The following MYH6 variants were observed in gnomAD, a reference collection of about 807,000 sequenced individuals.
MYH6 encodes myosin-6.
MYH6 carries 126 observed loss-of-function variants against 223.2 expected under a neutral mutation model. The observed-to-expected ratio is 0.56, with a 90% CI of 0.49 to 0.65. The LOEUF (loss-of-function observed/expected upper bound fraction) is 0.65, where lower values mean the gene tolerates loss of function less well. Among genes scored for constraint, MYH6 ranks in the 30% least tolerant of loss-of-function variants. The pLI is 0.00. For synonymous variants in MYH6, 978 were observed against 1,010.2 expected, an observed-to-expected ratio of 0.97 and a Z score of 0.61; for missense variants, 2,040 against 2,536.4, an observed-to-expected ratio of 0.80 and a Z score of 4.20.
chr14:23,402,647 C>T, intron 11 of MYH6, 45 bp from the exon 12 acceptor site: 1 of 1,613,576 alleles, frequency 6.2e-7, no homozygotes, highest in Non-Finnish European at 8.5e-7. Context: ...AGCGGTGGCC[C>T]CAGGAGCTCC....
rs542115885 is a variant in MYH6 at position 23,401,482 on chromosome 14, C to G, written c.1142-505G>C. On this transcript the variant is annotated intron_variant, in intron 12 of 38. Transcript: ENST00000405093. ...CTGAGTCAGGCTGGAGCACAGCCCC[C>G]TTATCCGGCCCATGGCCTCTTGCCA... Among the ~76,000 whole-genome samples the G allele has an allele frequency of 3.3e-5, 5 of 152,396 alleles. No homozygotes were observed. The South Asian group carries it at 6.2e-4, about 19-fold the overall frequency.
In MYH6 at chr14:23,386,476, G is replaced by A. The variant is rs770068575; in HGVS notation, c.4798C>T (p.Gln1600Ter). The A allele has an allele frequency of 3.7e-6, 6 of 1,614,166 alleles. No individual in the cohort carries two copies. The highest frequency in any genetic ancestry group is 5.1e-6 in the Non-Finnish European group (6 of 1,180,036). Residue 1600 changes from glutamine (Q) to a stop codon, truncating the protein, a stop_gained, in exon 33 of 39, where the codon CAG becomes TAG. Coordinates refer to ENST00000405093, the MANE Select transcript of MYH6 (RefSeq NM_002471.4). LOFTEE classifies it high-confidence loss of function. ...CGTGTCTCTGCATCCAGGGAGGTCT[G>A]CAGCGAGTCCACCACCCGCTGGTGG... ...RNHQRVVDSL[Q>*]TSLDAETRSR...
chr14:23,396,733 C>G lies in MYH6; in HGVS notation c.2253G>C (p.Leu751=). 2 of 1,614,014 alleles carry G rather than the reference C, an allele frequency of 1.2e-6. No homozygotes were observed. The highest frequency in any genetic ancestry group is 3.3e-5 in the Admixed American group (2 of 60,018). Residue 751 remains leucine (L), a synonymous_variant, in exon 19 of 39, where the codon CTG becomes CTC. Coordinates refer to ENST00000405093, the MANE Select transcript of MYH6 (RefSeq NM_002471.4). ...ACTTGTACTGGTTGTGATCAATGTCCAGAGAGCTGAGCAGCTTCTCTGTCC... is the reference window on the plus strand; with the variant it reads ...ACTTGTACTGGTTGTGATCAATGTCGAGAGAGCTGAGCAGCTTCTCTGTCC... ...RKGTEKLLSS[L]DIDHNQYKFG...
At chr14:23,404,584 C>A (rs1441213398) in intron 7 of MYH6, 127 bp downstream of exon 7, 14 of 1,115,904 alleles carry the variant, frequency 1.3e-5, no homozygotes, top group Middle Eastern at 4.6e-4. Flanking sequence ...CCATACTGGG[C>A]TGACCATCGG....
chr14:23,393,399 T>C lies in MYH6; in HGVS notation c.3048A>G (p.Glu1016=). Residue 1016 remains glutamate, a synonymous_variant, in exon 23 of 39, where the codon GAA becomes GAG. Coordinates refer to ENST00000405093, the MANE Select transcript of MYH6 (RefSeq NM_002471.4). ...QQALDDLQVE[E]DKVNSLSKSK... Reference sequence around the variant, plus strand: ...ACTTGGACAGGCTGTTGACCTTGTCTTCCTCAACCTGAAGGTCATCCAGGG... The same window carrying C: ...ACTTGGACAGGCTGTTGACCTTGTCCTCCTCAACCTGAAGGTCATCCAGGG... 6.2e-7 allele frequency: 1 copy of C among 1,614,192 alleles called. No individual in the cohort carries two copies.
intron 35 of MYH6, 25 bp downstream of exon 35, chr14:23,384,891 A>G: frequency 6.2e-7 from 1 of 1,613,526 alleles, no homozygotes. Context: ...TCTTTAGGGG[A>G]GGCGGAAGGT....
chr14:23,389,453 C>A lies in MYH6; in HGVS notation c.3918G>T (p.Gly1306=), dbSNP rs769425360. The A allele has an allele frequency of 1.2e-6, 2 of 1,614,176 alleles. No individual in the cohort carries two copies. Among genetic ancestry groups the A allele is most frequent in the South Asian group, 2.2e-5 (2 of 91,080 alleles). ...CCATTTGCTGGGTATAAGAGAGCTT[C>A]CCCCGGGTCAGCTGCGAGATTAGCG... The part of the protein sequence containing the change: ...KEALISQLTR[G]KLSYTQQMED... Residue 1306 remains glycine, a synonymous_variant, in exon 28 of 39, where the codon GGG becomes GGT. Transcript: ENST00000405093.
chr14:23,398,422 A>G (rs1180272319), intron 15 of MYH6, among the ~76,000 whole-genome samples: 1 of 152,326 alleles, frequency 6.6e-6, no homozygotes, highest in African/African-American at 2.4e-5. Context: ...ACATTTGTTG[A>G]GAACTCCCAC....
chr14:23,392,960 A>G lies in MYH6; in HGVS notation c.3203T>C (p.Ile1068Thr), dbSNP rs777320756. The change falls in exon 24 of 39, where the codon ATC (isoleucine) becomes ACC (threonine). Residue 1068 changes from isoleucine (I) to threonine (T), a missense_variant. Coordinates refer to ENST00000405093, the MANE Select transcript of MYH6 (RefSeq NM_002471.4). ...CAGTTTATCATTTTCCAGGTCCATGATGCTCTCCTGGGTCAGCTTCAGGTC... is the reference window on the plus strand; with the variant it reads ...CAGTTTATCATTTTCCAGGTCCATGGTGCTCTCCTGGGTCAGCTTCAGGTC... ...EGDLKLTQES[I>T]MDLENDKLQL... 5.0e-6 allele frequency: 8 copies of G among 1,614,052 alleles called. No homozygotes were observed. The highest frequency in any genetic ancestry group is 6.8e-6 in the Non-Finnish European group (8 of 1,180,010).
chr14:23,390,562 G>A, intron 25 of MYH6, 116 bp from the exon 26 acceptor site: 13 of 1,530,596 alleles, frequency 8.5e-6, no homozygotes, highest in Non-Finnish European at 1.1e-5. Flanking sequence ...TCTCAACTAG[G>A]GGCAATTTTG....
chr14:23,396,403 C>T lies in MYH6; in HGVS notation c.2310G>A (p.Gly770=), dbSNP rs778231083. ...GCATCTCCTCCAGCAGCCCAAGCAG[C>T]CCTGCCTTGAAGAACACCTGCAGGC... The part of the protein sequence containing the change: ...FGHTKVFFKA[G]LLGLLEEMRD... Residue 770 remains glycine, a synonymous_variant, in exon 20 of 39, where the codon GGG becomes GGA. Transcript: ENST00000405093. 1.5e-5 allele frequency: 24 copies of T among 1,613,906 alleles called. No homozygotes were observed. Among genetic ancestry groups the T allele is most frequent in the South Asian group, 6.6e-5 (6 of 91,088 alleles).
intron 15 of MYH6, among the ~76,000 whole-genome samples, chr14:23,398,175 G>A (rs917115056): frequency 3.9e-5 from 6 of 151,908 alleles, no homozygotes; most frequent in African/African-American, 4.8e-5. Context: ...GTGCCACCAC[G>A]CCAGGCTAAT....
Position 23,408,257 on chromosome 14 carries a change from G to C in MYH6, c.-51C>G, listed in dbSNP as rs960596190. 5.1e-6 allele frequency: 5 copies of C among 985,324 alleles called. No homozygotes were observed. The African/African-American group carries it at 7.0e-5, about 14-fold the overall frequency. 61.0% of individuals were successfully genotyped at this position (985,324 alleles called of 1,614,324 possible). A position where few individuals can be genotyped will look rare whatever the true frequency, so the allele number is the denominator to read the frequency against. ...CCACCCCAAACCTCCTCTTACCTGG[G>C]CCGCAGGAGTCTCTCTATCTGTCCT... On this transcript the variant is annotated 5_prime_UTR_variant, in exon 1 of 39. Coordinates refer to ENST00000405093, the MANE Select transcript of MYH6 (RefSeq NM_002471.4).
At chr14:23,392,475 T>C in intron 25 of MYH6, 87 bp downstream of exon 25, 1 of 1,028,958 alleles carries the variant, frequency 9.7e-7, no homozygotes, top group Non-Finnish European at 1.5e-6. Flanking sequence ...GTTCCAGATA[T>C]TGTGTAGAAC....
At position 23,389,411 on chromosome 14, in the gene MYH6, C is replaced by G; in HGVS notation, c.3960G>C (p.Gln1320His). 6.2e-7 allele frequency: 1 copy of G among 1,614,222 alleles called. No homozygotes were observed. Reference protein sequence around the residue: ...YTQQMEDLKRQLEEEGKAKNA... With the variant: ...YTQQMEDLKRHLEEEGKAKNA... ...GCCTCACCTTGCCCTCCTCCTCCAG[C>G]TGCCTTTTGAGGTCCTCCATTTGCT... Residue 1320 changes from glutamine (Q) to histidine (H), a missense_variant, in exon 28 of 39, where the codon CAG becomes CAC. Physicochemically the swap from Gln to His is conservative, Grantham distance 24 (BLOSUM62 0). Around this residue, in one of 4 missense-constraint regions of MYH6, gnomAD observed 1,203 missense variants for 1,400.2 expected, o/e 0.86. Transcript: ENST00000405093.
rs750174773 is a variant in MYH6 at position 23,394,055 on chromosome 14, C to T, written c.2685+13G>A. 12 of 1,614,098 alleles carry T rather than the reference C, an allele frequency of 7.4e-6. No homozygotes were observed. Among genetic ancestry groups the T allele is most frequent in the Non-Finnish European group, 1.0e-5 (12 of 1,180,036 alleles). On this transcript the variant is annotated intron_variant, in intron 21 of 38. Coordinates refer to ENST00000405093, the MANE Select transcript of MYH6 (RefSeq NM_002471.4). ...GGGAGGAGAGGGCTGAAGAGATAAT[C>T]ACGTGGCCTCACCGCCTGCACTTGG...
chr14:23,392,763 C>T, intron 24 of MYH6, 111 bp from the exon 25 acceptor site: 1 of 1,468,818 alleles, frequency 6.8e-7, no homozygotes, highest in Non-Finnish European at 9.5e-7. Context: ...CTCCCCTCGC[C>T]AGCCCAGAAA....
intron 19 of MYH6, 65 bp downstream of exon 19, chr14:23,396,629 C>T (rs769661753): frequency 2.5e-5 from 41 of 1,613,360 alleles, no homozygotes; most frequent in Non-Finnish European, 3.4e-5. Context: ...GCCTCCTAAA[C>T]TCCTCTCTGC....
At position 23,384,699 on chromosome 14, in the gene MYH6, C is replaced by T. The variant is rs369336248; in HGVS notation, c.5308G>A (p.Glu1770Lys). Reference sequence around the variant, plus strand: ...CTGGTGTCCTGCTCCTTCTTCAGCTCCTCTGCCATCATGGCGGCCTGTGTG... The same window carrying T: ...CTGGTGTCCTGCTCCTTCTTCAGCTTCTCTGCCATCATGGCGGCCTGTGTG... ...AITDAAMMAE[E>K]LKKEQDTSAH... Residue 1770 changes from glutamate (E) to lysine (K), a missense_variant, in exon 36 of 39, where the codon GAG becomes AAG. By Grantham distance (56) the Glu-to-Lys change is moderately conservative (BLOSUM62 1). Transcript: ENST00000405093. The T allele has an allele frequency of 7.4e-6, 12 of 1,614,256 alleles. No homozygotes were observed. The highest frequency in any genetic ancestry group is 9.3e-6 in the Non-Finnish European group (11 of 1,180,050).
Sources: allele counts gnomAD v4.1 joint callset (sites outside exome capture counted in the v4.1 genomes callset), GRCh38; gene constraint gnomAD v4.1.1; regional missense constraint gnomAD v4.1.1; transcripts MANE v1.5; gene names NCBI Gene and HGNC (gene_info 2026-07-23, HGNC 2026-07-21).